SVIL: variants seen among roughly 807,000 people sequenced by gnomAD.
SVIL encodes archvillin.
SVIL carries 101 observed loss-of-function variants against 240.4 expected under a neutral mutation model. That is an observed-to-expected ratio of 0.42 (90% confidence interval 0.36 to 0.50). The LOEUF (loss-of-function observed/expected upper bound fraction) is 0.50. SVIL is among the 20% of genes least tolerant of loss of function. SVIL has a pLI of 0.01. For synonymous variants in SVIL, 999 were observed against 1,100.0 expected, an observed-to-expected ratio of 0.91 and a Z score of 1.82; for missense variants, 2,512 against 2,818.7, an observed-to-expected ratio of 0.89 and a Z score of 2.46.
intron 36 of SVIL, among the ~76,000 whole-genome samples, chr10:29,460,759 AG>A (rs1319587309): frequency 2.6e-5 from 4 of 152,168 alleles, no homozygotes; most frequent in Non-Finnish European, 5.9e-5. Flanking sequence ...AAAACAAATT[AG>A]CCAGGCATTA....
chr10:29,470,258 C>T lies in SVIL; in HGVS notation c.5843+18G>A, dbSNP rs369753534. On this transcript the variant is annotated intron_variant, in intron 32 of 37. Transcript: ENST00000355867. ...AAGCCCGGTGTGTGGGGGGACTCGC[C>T]GCAGACACAACACTCACTGTTCCTT... The T allele has an allele frequency of 5.8e-5, 93 of 1,613,820 alleles. No homozygotes were observed. Among genetic ancestry groups the T allele is most frequent in the East Asian group, 1.1e-4 (5 of 44,876 alleles).
At chr10:29,594,849 G>C (rs1046776371) in intron 1 of SVIL, among the ~76,000 whole-genome samples, 2 of 152,186 alleles carry the variant, frequency 1.3e-5, no homozygotes, top group African/African-American at 4.8e-5. Context: ...AAGCCACTGC[G>C]CCCAGCCTCT....
intron 2 of SVIL, among the ~76,000 whole-genome samples, chr10:29,664,679 T>TAC (rs1206403906): frequency 2.1e-5 from 3 of 139,678 alleles, no homozygotes; most frequent in Non-Finnish European, 3.0e-5. Context: ...CGTAATTTTA[T>TAC]ATATATATAT....
chr10:29,664,280 A>G (rs1959191556), intron 2 of SVIL, among the ~76,000 whole-genome samples: 2 of 152,348 alleles, frequency 1.3e-5, no homozygotes, highest in South Asian at 2.1e-4. Flanking sequence ...TTTTAAATGT[A>G]TGTTTTTTTT....
At chr10:29,578,756 T>C (rs1404970153) in intron 1 of SVIL, among the ~76,000 whole-genome samples, 3 of 152,226 alleles carry the variant, frequency 2.0e-5, no homozygotes, top group Non-Finnish European at 4.4e-5. Context: ...AAACTATCAA[T>C]ACTGCTTGAA....
intron 2 of SVIL, among the ~76,000 whole-genome samples, chr10:29,564,568 G>A (rs564933725): frequency 1.3e-5 from 2 of 152,266 alleles, no homozygotes; most frequent in African/African-American, 4.8e-5. Context: ...GGCCAAGGAA[G>A]AGACCGAGGA....
At chr10:29,529,869 C>T in intron 11 of SVIL, 25 bp from the exon 12 acceptor site, 2 of 1,583,122 alleles carry the variant, frequency 1.3e-6, no homozygotes, top group South Asian at 2.3e-5. Context: ...ATTGTGGAAC[C>T]CTTATAAATT....
intron 37 of SVIL, 29 bp from the exon 38 acceptor site, chr10:29,458,362 G>A (rs375210387): frequency 2.9e-4 from 474 of 1,612,380 alleles, no homozygotes; most frequent in Non-Finnish European, 3.7e-4. Context: ...GCGCCCCGCG[G>A]CTCAGTGAAA....
chr10:29,674,423 G>T (rs554508006), intron 2 of SVIL, among the ~76,000 whole-genome samples: 30 of 152,290 alleles, frequency 2.0e-4, no homozygotes, highest in African/African-American at 7.0e-4. Flanking sequence ...CACTGATCGA[G>T]GCAGTGAGGA....
At chr10:29,661,661 C>T (rs1397457885) in intron 2 of SVIL, among the ~76,000 whole-genome samples, 1 of 152,188 alleles carries the variant, frequency 6.6e-6, no homozygotes, top group Non-Finnish European at 1.5e-5. Flanking sequence ...TAAATCTAGA[C>T]CAATTGCATC....
chr10:29,689,172 A>G (rs1961308047), intron 1 of SVIL, among the ~76,000 whole-genome samples: 1 of 152,230 alleles, frequency 6.6e-6, no homozygotes, highest in African/African-American at 2.4e-5. Flanking sequence ...TTTTCTTTTC[A>G]CAGATAAGTA....
chr10:29,508,501 C>T, intron 17 of SVIL: 2 of 767,988 alleles, frequency 2.6e-6, no homozygotes, highest in Non-Finnish European at 3.9e-6. Flanking sequence ...CAGCAGCATG[C>T]ACGTGCTCAC....
intron 9 of SVIL, 32 bp downstream of exon 9, chr10:29,531,970 T>TGGATGA: frequency 6.2e-7 from 1 of 1,611,016 alleles, no homozygotes; most frequent in Non-Finnish European, 8.5e-7. Flanking sequence ...GCCACGTTCC[T>TGGATGA]GGATGAGGAA....
Position 29,473,987 on chromosome 10 carries a change from C to CT in SVIL, c.5379_5380insA (p.Gly1794ArgfsTer32). ...GAGTGCTCTCCCTTCTGGCGACTTCCCACTGCAAACACAGAATGGCAGAGG... is the reference window on the plus strand; with the variant it reads ...GAGTGCTCTCCCTTCTGGCGACTTCCTCACTGCAAACACAGAATGGCAGAGG... On this transcript the variant is annotated frameshift_variant and splice_region_variant, in exon 30 of 38. Coordinates refer to ENST00000355867, the MANE Select transcript of SVIL (RefSeq NM_021738.3). LOFTEE classifies it high-confidence loss of function. 1 of 1,613,164 alleles carries CT rather than the reference C, an allele frequency of 6.2e-7. No homozygotes were observed. The highest frequency in any genetic ancestry group is 8.5e-7 in the Non-Finnish European group (1 of 1,179,836).
rs140996389 is a variant in SVIL at position 29,710,184 on chromosome 10, C to T, written c.-399-23533G>A. On this transcript the variant is annotated intron_variant, in intron 1 of 35. Transcript: ENST00000375400. ...TCCTCCCACCTCAGCTTCCTGAGTA[C>T]GTGGGACTACAGGTGCGCGCCACCA... Among the ~76,000 whole-genome samples the T allele has an allele frequency of 8.3e-3, 1,258 of 151,978 alleles. 7 individuals carry two copies. The highest frequency in any genetic ancestry group is 0.024 in the African/African-American group (979 of 41,456).
chr10:29,500,613 T>C (rs1948805661), intron 17 of SVIL, among the ~76,000 whole-genome samples: 1 of 152,208 alleles, frequency 6.6e-6, no homozygotes, highest in Non-Finnish European at 1.5e-5. Flanking sequence ...AGATTGCTGC[T>C]AGCGCATCTG....
chr10:29,691,402 G>C (rs1412520193), intron 1 of SVIL, among the ~76,000 whole-genome samples: 1 of 151,860 alleles, frequency 6.6e-6, no homozygotes, highest in Admixed American at 6.6e-5. Flanking sequence ...TAGTAGAGAC[G>C]GTGTTTCACC....
upstream of SVIL, among the ~76,000 whole-genome samples, chr10:29,636,789 T>TTTTTG (rs541755568): frequency 3.8e-3 from 583 of 152,146 alleles, 5 homozygotes; most frequent in Middle Eastern, 0.02. Context: ...TTGCAAGGTT[T>TTTTTG]TTTTGTTTTG....
At chr10:29,692,492 A>G (rs977003779) in intron 1 of SVIL, among the ~76,000 whole-genome samples, 44 of 152,084 alleles carry the variant, frequency 2.9e-4, no homozygotes, top group African/African-American at 9.7e-4. Flanking sequence ...AGTGTCAAGC[A>G]CTCATTATAG....
Sources: gnomAD v4.1 joint callset for allele counts (sites outside exome capture counted in the v4.1 genomes callset) on GRCh38, gnomAD v4.1.1 for gene constraint, MANE v1.5 for transcripts, NCBI Gene and HGNC (gene_info 2026-07-23, HGNC 2026-07-21) for gene names.